CELF2: variants seen among roughly 807,000 people sequenced by gnomAD.
The protein encoded by CELF2 is CUG triplet repeat RNA-binding protein 2.
A neutral mutation model predicts 62.6 loss-of-function variants in CELF2; 8 were observed. The observed-to-expected ratio is 0.13, with a 90% confidence interval of 0.07 to 0.23. The LOEUF (loss-of-function observed/expected upper bound fraction) is 0.23, where lower values mean the gene tolerates loss of function less well. Ranked by LOEUF, CELF2 falls within the 10% of genes least tolerant of loss-of-function variation. CELF2 has a pLI of 1.00. For synonymous variants in CELF2, 258 were observed against 250.0 expected, an observed-to-expected ratio of 1.03 and a Z score of -0.30; for missense variants, 333 against 671.0, an observed-to-expected ratio of 0.50 and a Z score of 5.56.
the CELF2 span, among the ~76,000 whole-genome samples, chr10:10,737,829 T>C: frequency 6.6e-6 from 1 of 152,126 alleles, no homozygotes; most frequent in African/African-American, 2.4e-5. Context: ...AAGGGATTAT[T>C]TTAAGAAGTG....
At chr10:10,753,708 A>G in the CELF2 span, among the ~76,000 whole-genome samples, 3 of 152,166 alleles carry the variant, frequency 2.0e-5, no homozygotes, top group Non-Finnish European at 4.4e-5. Context: ...AAACAGTAAA[A>G]TTCTTCCTAA....
intron 1 of CELF2, among the ~76,000 whole-genome samples, chr10:11,089,296 T>G (rs1005056785): frequency 6.6e-6 from 1 of 152,234 alleles, no homozygotes; most frequent in Non-Finnish European, 1.5e-5. Flanking sequence ...GATGACTAAT[T>G]CAGTTAACAC....
chr10:10,872,271 C>T (rs928059726), intron 1 of CELF2, among the ~76,000 whole-genome samples: 1 of 152,070 alleles, frequency 6.6e-6, no homozygotes, highest in African/African-American at 2.4e-5. Context: ...GACTGTGTAA[C>T]GCAGAGGCCA....
chr10:11,035,089 G>A (rs1179476899), intron 1 of CELF2, among the ~76,000 whole-genome samples: 4 of 152,086 alleles, frequency 2.6e-5, no homozygotes, highest in African/African-American at 4.8e-5. Flanking sequence ...TCTCTTGTCT[G>A]ATCCTTATCA....
At chr10:11,203,102 G>T (rs1290178903) in intron 2 of CELF2, among the ~76,000 whole-genome samples, 1 of 152,018 alleles carries the variant, frequency 6.6e-6, no homozygotes, top group Admixed American at 6.6e-5. Flanking sequence ...AGGTTTAATA[G>T]AATCAGTGTC....
the CELF2 span, among the ~76,000 whole-genome samples, chr10:10,775,277 C>T: frequency 2.2e-4 from 34 of 152,282 alleles, no homozygotes; most frequent in African/African-American, 8.2e-4. Context: ...GAGGAACAAC[C>T]TTGGCCTGTC....
At chr10:10,718,152 A>G in the CELF2 span, among the ~76,000 whole-genome samples, 1 of 152,114 alleles carries the variant, frequency 6.6e-6, no homozygotes, top group African/African-American at 2.4e-5. Flanking sequence ...AACCAATTCA[A>G]TTTTCTTTAA....
chr10:10,724,337 T>C, the CELF2 span, among the ~76,000 whole-genome samples: 1 of 152,124 alleles, frequency 6.6e-6, no homozygotes, highest in Admixed American at 6.5e-5. Context: ...GCTTTAAAAG[T>C]ACAAGATTAG....
chr10:11,119,743 C>G (rs1263087551), intron 1 of CELF2, among the ~76,000 whole-genome samples: 7 of 151,986 alleles, frequency 4.6e-5, no homozygotes, highest in African/African-American at 1.7e-4. Flanking sequence ...ATGAAAAAGC[C>G]TTTATCCTCC....
Position 11,113,231 on chromosome 10 carries a change from A to G in CELF2, c.75-52255A>G, listed in dbSNP as rs185534228. Among the ~76,000 whole-genome samples, 16 of 152,350 alleles carry G rather than the reference A, an allele frequency of 1.1e-4. No individual in the cohort carries two copies. In the East Asian group the frequency reaches 2.9e-3, roughly 28 times the overall value. On this transcript the variant is annotated intron_variant, in intron 1 of 12. Coordinates refer to ENST00000633077, the MANE Select transcript of CELF2 (RefSeq NM_001326342.2). ...CAAGGTAATATATAAGCACTTTGTC[A>G]TGTTTCCAAAAGGAAAATCAAGATT... is the stretch of plus-strand genomic sequence containing the variant.
At chr10:11,099,898 A>C (rs2051013352) in intron 1 of CELF2, among the ~76,000 whole-genome samples, 2 of 142,532 alleles carry the variant, frequency 1.4e-5, no homozygotes, top group African/African-American at 2.8e-5. Flanking sequence ...AAAAAAAAAA[A>C]AAAACAGAAA....
chr10:11,321,076 C>CT lies in CELF2; in HGVS notation c.1097-112dup. On this transcript the variant is annotated intron_variant, in intron 10 of 12. Transcript: ENST00000633077. This position sits in a 1 kb window ranked among gnomAD's most constrained non-coding sequence, Gnocchi z 6.2. ...AGTTTCCTGTCAGTGTAATTGTGTG[C>CT]TAGCTGCATGTACTTGCTGTTGTAC... 1 of 1,308,716 alleles carries CT rather than the reference C, an allele frequency of 7.6e-7. No homozygotes were observed. Among genetic ancestry groups the CT allele is most frequent in the Non-Finnish European group, 1.1e-6 (1 of 919,034 alleles). 81.1% of individuals were successfully genotyped at this position (1,308,716 alleles called of 1,614,324 possible). A position where few individuals can be genotyped will look rare whatever the true frequency, so the allele number is the denominator to read the frequency against.
chr10:10,642,667 A>G, the CELF2 span, among the ~76,000 whole-genome samples: 1 of 152,234 alleles, frequency 6.6e-6, no homozygotes, highest in Non-Finnish European at 1.5e-5. Context: ...GGAATTTTGG[A>G]GAGAAAACAC....
the CELF2 span, among the ~76,000 whole-genome samples, chr10:10,606,093 T>C: frequency 6.6e-6 from 1 of 152,170 alleles, no homozygotes; most frequent in Non-Finnish European, 1.5e-5. Flanking sequence ...AACCCTTCGG[T>C]CTCCATTAAT....
At chr10:11,313,021 T>G (rs1051557010) in intron 9 of CELF2, among the ~76,000 whole-genome samples, 1 of 152,180 alleles carries the variant, frequency 6.6e-6, no homozygotes, top group African/African-American at 2.4e-5. Context: ...AAGACTTAAA[T>G]TATCAGGCTG....
chr10:10,469,357 A>T, the CELF2 span, among the ~76,000 whole-genome samples: 7 of 151,936 alleles, frequency 4.6e-5, no homozygotes, highest in Non-Finnish European at 8.8e-5. Flanking sequence ...AGTAGAGATA[A>T]TGAAAGTGAA....
intron 1 of CELF2, among the ~76,000 whole-genome samples, chr10:10,860,313 G>C (rs1242940422): frequency 6.6e-6 from 1 of 152,074 alleles, no homozygotes; most frequent in Non-Finnish European, 1.5e-5. Context: ...AAAATAGTTT[G>C]ACTTCACAGA....
intron 1 of CELF2, among the ~76,000 whole-genome samples, chr10:10,872,251 G>A (rs1032374062): frequency 2.0e-5 from 3 of 152,146 alleles, no homozygotes; most frequent in Admixed American, 6.5e-5. Flanking sequence ...AGTTGGTTAC[G>A]TTTTGGAAAG....
the CELF2 span, among the ~76,000 whole-genome samples, chr10:10,674,155 A>C: frequency 2.0e-5 from 3 of 152,276 alleles, no homozygotes; most frequent in Middle Eastern, 3.4e-3. Flanking sequence ...GGATTAATTT[A>C]TTTCTCCTTG....
Sources: allele counts gnomAD v4.1 joint callset (sites outside exome capture counted in the v4.1 genomes callset), GRCh38; gene constraint gnomAD v4.1.1; non-coding constraint Gnocchi (gnomAD v3.1); transcripts MANE v1.5; gene names NCBI Gene and HGNC (gene_info 2026-07-23, HGNC 2026-07-21).